Variants in UHRF2 observed in about 807,000 individuals in gnomAD.
UHRF2 encodes E3 ubiquitin-protein ligase UHRF2.
A neutral mutation model predicts 96.8 loss-of-function variants in UHRF2; 23 were observed. That is an observed-to-expected ratio of 0.24 (90% CI 0.17 to 0.34). The LOEUF is 0.34. Among genes scored for constraint, UHRF2 ranks in the 10% least tolerant of loss-of-function variants. UHRF2 has a pLI of 1.00. For missense variants in UHRF2, 685 were observed against 981.5 expected (o/e 0.70, Z 4.04); for synonymous variants, 385 against 332.6 (o/e 1.16, Z -1.72).
In UHRF2 at chr9:6,470,845, T is replaced by A. The variant is rs184511581; in HGVS notation, c.864-4546T>A. ...AGTGAAAAAATAAATATTAGTCTAA[T>A]CCAAAATAAGGCAATTGTGACTAAA... On this transcript the variant is annotated intron_variant, in intron 4 of 15. Coordinates refer to ENST00000276893, the MANE Select transcript of UHRF2 (RefSeq NM_152896.3). Among the ~76,000 whole-genome samples the A allele has an allele frequency of 6.6e-5, 10 of 152,186 alleles. No individual in the cohort carries two copies. The East Asian group carries it at 1.9e-3, about 29-fold the overall frequency.
intron 2 of UHRF2, among the ~76,000 whole-genome samples, chr9:6,428,849 T>C (rs947425854): frequency 1.3e-5 from 2 of 151,890 alleles, no homozygotes; most frequent in Non-Finnish European, 2.9e-5. Context: ...CACCCAGCCC[T>C]GCATTTTAAA....
intron 2 of UHRF2, among the ~76,000 whole-genome samples, chr9:6,432,003 C>T (rs1414620450): frequency 2.0e-5 from 3 of 152,140 alleles, no homozygotes; most frequent in Non-Finnish European, 2.9e-5. Context: ...TGGACCTTAA[C>T]ATTGATTATT....
At chr9:6,471,061 A>G (rs1010730865) in intron 4 of UHRF2, among the ~76,000 whole-genome samples, 6 of 152,222 alleles carry the variant, frequency 3.9e-5, no homozygotes, top group African/African-American at 1.4e-4. Flanking sequence ...AAAGAGGTGG[A>G]TGGTTGGGAT....
In UHRF2 at chr9:6,498,089, T is replaced by C; in HGVS notation, c.1839T>C (p.Asp613=). The change falls in exon 12 of 16, where the codon GAT becomes GAC. Residue 613 remains aspartate, a synonymous_variant. Transcript: ENST00000276893. ...TTTGGCGCTATCTTTTAAGAAGAGA[T>C]GATGTTGAACCTGCTCCTTGGACCT... The part of the protein sequence containing the change: ...FLVWRYLLRR[D]DVEPAPWTSE... 1 of 1,613,998 alleles carries C rather than the reference T, an allele frequency of 6.2e-7. No individual in the cohort carries two copies. The highest frequency in any genetic ancestry group is 1.1e-5 in the South Asian group (1 of 91,064).
At chr9:6,421,306 C>T (rs985082615) in intron 2 of UHRF2, among the ~76,000 whole-genome samples, 164 bp downstream of exon 2, 1 of 151,966 alleles carries the variant, frequency 6.6e-6, no homozygotes, top group African/African-American at 2.4e-5. Flanking sequence ...ATATGAAATA[C>T]GTAGACAAAT....
At chr9:6,466,551 GAAAAAAAA>G (rs34552859) in intron 4 of UHRF2, among the ~76,000 whole-genome samples, 1 of 110,948 alleles carries the variant, frequency 9.0e-6, no homozygotes, top group Non-Finnish European at 1.8e-5. Context: ...AAAAAAAAAG[GAAAAAAAA>G]AAAAAAAAAA....
At chr9:6,479,805 A>G (rs539731986) in intron 6 of UHRF2, among the ~76,000 whole-genome samples, 3 of 152,226 alleles carry the variant, frequency 2.0e-5, no homozygotes, top group South Asian at 4.1e-4. Flanking sequence ...GTTCTTTCAC[A>G]TACTCTACCT....
intron 9 of UHRF2, chr9:6,492,749 T>C (rs1483110679): frequency 1.3e-5 from 2 of 152,106 alleles, no homozygotes; most frequent in African/African-American, 2.4e-5. Context: ...TTTTCTTAAT[T>C]TGTTTCAAGT....
chr9:6,420,082 A>G (rs2130717662), intron 1 of UHRF2, among the ~76,000 whole-genome samples: 1 of 148,154 alleles, frequency 6.7e-6, no homozygotes, highest in East Asian at 2.0e-4. Context: ...CTTTTTTGAC[A>G]GTCTCCCTCT....
At chr9:6,446,403 A>G (rs1474154546) in intron 3 of UHRF2, among the ~76,000 whole-genome samples, 1 of 151,628 alleles carries the variant, frequency 6.6e-6, no homozygotes, top group African/African-American at 2.4e-5. Context: ...TCAGCCTCCC[A>G]AAGTGCTGGG....
chr9:6,463,470 A>G (rs993902374), intron 4 of UHRF2, among the ~76,000 whole-genome samples: 20 of 151,326 alleles, frequency 1.3e-4, no homozygotes, highest in African/African-American at 4.9e-4. Context: ...TTATGGATAG[A>G]ATTTTTTTTT....
chr9:6,434,462 G>A, intron 3 of UHRF2: 1 of 247,498 alleles, frequency 4.0e-6, no homozygotes, highest in Non-Finnish European at 7.7e-6. Context: ...TTTTTGAGAT[G>A]GTCTCTCTCT....
chr9:6,489,728 GTT>G (rs34069701), intron 9 of UHRF2, among the ~76,000 whole-genome samples: 2,559 of 114,674 alleles, frequency 0.022, 64 homozygotes, highest in African/African-American at 0.074. Context: ...TTGGGTTTTT[GTT>G]TTTTTTTTTT....
At chr9:6,439,473 C>T (rs1345752049) in intron 3 of UHRF2, among the ~76,000 whole-genome samples, 2 of 152,160 alleles carry the variant, frequency 1.3e-5, no homozygotes, top group South Asian at 2.1e-4. Context: ...TGTGAATATT[C>T]GATTGTCAGC....
intron 3 of UHRF2, among the ~76,000 whole-genome samples, chr9:6,445,764 A>G (rs779034470): frequency 5.3e-5 from 8 of 151,984 alleles, no homozygotes; most frequent in African/African-American, 1.5e-4. Context: ...GGGTCTCCCT[A>G]TGTTGCCTAG....
At chr9:6,473,244 A>G (rs1435132013) in intron 4 of UHRF2, among the ~76,000 whole-genome samples, 3 of 152,228 alleles carry the variant, frequency 2.0e-5, no homozygotes, top group Non-Finnish European at 2.9e-5. Flanking sequence ...AACATTGATA[A>G]GAAAAATAAA....
intron 10 of UHRF2, chr9:6,496,745 C>T (rs1824997915): frequency 1.3e-5 from 2 of 153,264 alleles, no homozygotes; most frequent in African/African-American, 4.8e-5. Flanking sequence ...CTGGGAAGGT[C>T]ATTTGTACCT....
At chr9:6,475,725 A>T (rs893661276) in intron 5 of UHRF2, among the ~76,000 whole-genome samples, 1 of 152,124 alleles carries the variant, frequency 6.6e-6, no homozygotes, top group Non-Finnish European at 1.5e-5. Context: ...TTTTATTGCT[A>T]TTATTTTATT....
intron 3 of UHRF2, among the ~76,000 whole-genome samples, chr9:6,458,389 C>A (rs1374333953): frequency 6.6e-6 from 1 of 150,776 alleles, no homozygotes; most frequent in Non-Finnish European, 1.5e-5. Context: ...CTCTTTTCTT[C>A]TATGTTAGTC....
Sources: gnomAD v4.1 joint callset for allele counts (sites outside exome capture counted in the v4.1 genomes callset) on GRCh38, gnomAD v4.1.1 for gene constraint, MANE v1.5 for transcripts, NCBI Gene and HGNC (gene_info 2026-07-23, HGNC 2026-07-21) for gene names.